The following WDR27 variants were observed in gnomAD, a reference collection of about 807,000 sequenced individuals.
WDR27 encodes the protein WD repeat-containing protein 27.
WDR27 carries 100 observed loss-of-function variants against 114.4 expected under a neutral mutation model. The observed-to-expected ratio is 0.87, with a 90% CI of 0.74 to 1.03. The LOEUF is 1.03. Among genes scored for constraint, WDR27 ranks in the 50% least tolerant of loss-of-function variants. The probability of loss-of-function intolerance (pLI) is 0.00; values close to 1 mark genes in which losing one functional copy is unlikely to be tolerated. For missense variants in WDR27, 1,129 were observed against 1,092.9 expected (o/e 1.03, Z -0.47); for synonymous variants, 449 against 423.1 (o/e 1.06, Z -0.75).
At chr6:169,620,775 G>C (rs1326165505) in intron 21 of WDR27, among the ~76,000 whole-genome samples, 3 of 152,164 alleles carry the variant, frequency 2.0e-5, no homozygotes, top group Non-Finnish European at 4.4e-5. Context: ...ACCTGTCTTA[G>C]ATATTTTGAT....
intron 7 of WDR27, chr6:169,665,219 G>A: frequency 8.3e-7 from 1 of 1,204,260 alleles, no homozygotes; most frequent in East Asian, 3.9e-5. Flanking sequence ...GGTCACGTGA[G>A]TGGCCCTCAC....
At chr6:169,498,418 T>C (rs1048597704) in intron 25 of WDR27, among the ~76,000 whole-genome samples, 5 of 152,164 alleles carry the variant, frequency 3.3e-5, no homozygotes, top group African/African-American at 1.2e-4. Flanking sequence ...ACTATGCACT[T>C]AAAAATGGTT....
chr6:169,430,557 C>T, the WDR27 span, among the ~76,000 whole-genome samples: 16 of 152,016 alleles, frequency 1.1e-4, no homozygotes, highest in African/African-American at 2.4e-4. Flanking sequence ...TGAATGAGGA[C>T]GAGGGAAGTT....
At chr6:169,624,859 T>A (rs1333105159) in intron 21 of WDR27, among the ~76,000 whole-genome samples, 1 of 152,084 alleles carries the variant, frequency 6.6e-6, no homozygotes, top group Non-Finnish European at 1.5e-5. Context: ...TCCAGGTAGA[T>A]GGCACGAGAC....
At chr6:169,428,082 G>A in the WDR27 span, among the ~76,000 whole-genome samples, 1 of 152,160 alleles carries the variant, frequency 6.6e-6, no homozygotes, top group East Asian at 1.9e-4. Flanking sequence ...AAAACAGAGG[G>A]CTGAGTCATC....
At chr6:169,606,123 A>G (rs1261336804) in intron 22 of WDR27, among the ~76,000 whole-genome samples, 2 of 152,186 alleles carry the variant, frequency 1.3e-5, no homozygotes, top group Non-Finnish European at 2.9e-5. Flanking sequence ...TAATTAAACA[A>G]AAATACTCTG....
intron 25 of WDR27, among the ~76,000 whole-genome samples, chr6:169,543,503 A>G (rs1797078304): frequency 6.6e-6 from 1 of 152,150 alleles, no homozygotes; most frequent in African/African-American, 2.4e-5. Flanking sequence ...AAAAATATGT[A>G]TTTATTTAAA....
At chr6:169,694,066 T>C (rs1785185785) in intron 1 of WDR27, among the ~76,000 whole-genome samples, 1 of 152,134 alleles carries the variant, frequency 6.6e-6, no homozygotes, top group East Asian at 1.9e-4. Context: ...TCCCAGCACT[T>C]TGGGAGGCCG....
chr6:169,482,222 A>G (rs547519798), intron 25 of WDR27, among the ~76,000 whole-genome samples: 1 of 152,212 alleles, frequency 6.6e-6, no homozygotes, highest in East Asian at 1.9e-4. Flanking sequence ...TGTTGATTCC[A>G]TGTCTTTGCT....
intron 25 of WDR27, among the ~76,000 whole-genome samples, chr6:169,560,757 A>G (rs939234930): frequency 2.6e-5 from 4 of 152,230 alleles, no homozygotes; most frequent in African/African-American, 9.6e-5. Context: ...TATTGTAAAA[A>G]TGTAAACTAC....
Position 169,664,418 on chromosome 6 carries a change from G to A in WDR27, c.784-132C>T, listed in dbSNP as rs576521502. 994 of 1,539,958 alleles carry A rather than the reference G, an allele frequency of 6.5e-4. 7 individuals are homozygous for A. In the South Asian group the frequency reaches 8.9e-3, roughly 14 times the overall value. ...CCCTCCACGGCCTGCAGAGGCTCCCGGCACAGCTGTCTCCTGCCTTCAACA... is the reference window on the plus strand; with the variant it reads ...CCCTCCACGGCCTGCAGAGGCTCCCAGCACAGCTGTCTCCTGCCTTCAACA... On this transcript the variant is annotated intron_variant, in intron 7 of 25. Transcript: ENST00000448612.
At chr6:169,555,275 C>T (rs567887740) in intron 25 of WDR27, among the ~76,000 whole-genome samples, 25 of 152,024 alleles carry the variant, frequency 1.6e-4, no homozygotes, top group Admixed American at 1.2e-3. Context: ...TGAAGGAGGA[C>T]GAAGGGCTAA....
At chr6:169,645,036 TAAAAAAAAAA>T (rs369797685) in intron 16 of WDR27, among the ~76,000 whole-genome samples, 2 of 76,926 alleles carry the variant, frequency 2.6e-5, no homozygotes, top group Non-Finnish European at 5.0e-5. Context: ...AAAAAAAAAA[TAAAAAAAAAA>T]AAAAAAAAAA....
At chr6:169,495,986 T>C (rs1003325208) in intron 25 of WDR27, among the ~76,000 whole-genome samples, 1 of 151,850 alleles carries the variant, frequency 6.6e-6, no homozygotes, top group African/African-American at 2.4e-5. Context: ...CAGACCAATA[T>C]CCCTTATGAA....
chr6:169,479,389 C>T (rs534836385), intron 25 of WDR27, among the ~76,000 whole-genome samples: 21 of 152,180 alleles, frequency 1.4e-4, no homozygotes, highest in African/African-American at 5.1e-4. Context: ...AAACAGAAAA[C>T]TGACTTTAAA....
intron 17 of WDR27, among the ~76,000 whole-genome samples, chr6:169,641,576 A>C (rs1819178984): frequency 6.6e-6 from 1 of 152,156 alleles, no homozygotes; most frequent in African/African-American, 2.4e-5. Context: ...GCGCTGGGGA[A>C]GCAGTCAAGG....
At chr6:169,697,964 G>T (rs570311315) in intron 1 of WDR27, among the ~76,000 whole-genome samples, 1 of 152,120 alleles carries the variant, frequency 6.6e-6, no homozygotes, top group African/African-American at 2.4e-5. Context: ...CTGACCCTGC[G>T]GGCTGGTCCC....
At chr6:169,587,050 C>T (rs1804782502) in intron 23 of WDR27, among the ~76,000 whole-genome samples, 1 of 151,648 alleles carries the variant, frequency 6.6e-6, no homozygotes, top group Non-Finnish European at 1.5e-5. Context: ...GCTGCATTTG[C>T]ACAAACCAGT....
chr6:169,517,287 C>A (rs1793794374), intron 25 of WDR27, among the ~76,000 whole-genome samples: 1 of 152,170 alleles, frequency 6.6e-6, no homozygotes, highest in East Asian at 1.9e-4. Flanking sequence ...TGAGCAGATA[C>A]CAGCACCATG....
Sources: gnomAD v4.1 joint callset for allele counts (sites outside exome capture counted in the v4.1 genomes callset) on GRCh38, gnomAD v4.1.1 for gene constraint, MANE v1.5 for transcripts, NCBI Gene and HGNC (gene_info 2026-07-23, HGNC 2026-07-21) for gene names.